The following DSCC1 variants were observed in gnomAD, a reference collection of about 807,000 sequenced individuals.
The protein encoded by DSCC1 is sister chromatid cohesion protein DCC1.
A neutral mutation model predicts 48.2 loss-of-function variants in DSCC1; 32 were observed. The ratio of observed to expected loss-of-function variants is 0.66; its 90% confidence interval spans 0.50 to 0.89. The LOEUF (loss-of-function observed/expected upper bound fraction) is 0.89, where lower values mean the gene tolerates loss of function less well. Among genes scored for constraint, DSCC1 ranks in the 40% least tolerant of loss-of-function variants. DSCC1 has a pLI of 0.00. For synonymous variants in DSCC1, 150 were observed against 171.5 expected (o/e 0.87, Z 0.98); for missense variants, 421 against 471.7 (o/e 0.89, Z 1.00).
chr8:119,836,039 G>A (rs929361626), intron 8 of DSCC1, among the ~76,000 whole-genome samples: 21 of 152,214 alleles, frequency 1.4e-4, no homozygotes, highest in African/African-American at 4.3e-4. Context: ...GTGGCCGGGC[G>A]CGGCGGCTCA....
In DSCC1 at chr8:119,853,080, C is replaced by G; in HGVS notation, c.318G>C (p.Lys106Asn). The G allele has an allele frequency of 6.2e-7, 1 of 1,613,554 alleles. No individual in the cohort carries two copies. Among genetic ancestry groups the G allele is most frequent in the Non-Finnish European group, 8.5e-7 (1 of 1,179,724 alleles). The change falls in exon 2 of 9, where the codon AAG (lysine) becomes AAC (asparagine). Residue 106 changes from lysine (K) to asparagine (N), a missense_variant. Lys to Asn is a moderately conservative substitution (Grantham distance 94, BLOSUM62 0). Transcript: ENST00000313655. ...PGCKTPDQLKKEDSHCNIIHT... is the reference protein window; with the variant it reads ...PGCKTPDQLKNEDSHCNIIHT... ...GAATAATGTTACAGTGTGAATCTTC[C>G]TTCTTCAACTGGTCCGGAGTTTTAC...
intron 3 of DSCC1, among the ~76,000 whole-genome samples, 168 bp downstream of exon 3, chr8:119,850,214 T>C (rs987855079): frequency 3.3e-5 from 5 of 152,084 alleles, no homozygotes; most frequent in Admixed American, 1.3e-4. Context: ...TATATGGGGG[T>C]CATTATACTA....
Position 119,840,961 on chromosome 8 carries a change from G to A in DSCC1, c.924+833C>T, listed in dbSNP as rs536427898. 1.5e-4 allele frequency among the ~76,000 whole-genome samples: 23 copies of A among 151,780 alleles called. No individual in the cohort carries two copies. The East Asian group carries it at 3.1e-3, about 20-fold the overall frequency. On this transcript the variant is annotated intron_variant, in intron 7 of 8. Transcript: ENST00000313655. ...AATGATTTAAGCAGGACATTCATCT[G>A]ATCTGACTAGCATTTATTTATTTAT... is the stretch of plus-strand genomic sequence containing the variant.
At chr8:119,835,231 G>T (rs140925779) in intron 8 of DSCC1, among the ~76,000 whole-genome samples, 3 of 152,324 alleles carry the variant, frequency 2.0e-5, no homozygotes, top group South Asian at 4.1e-4. Flanking sequence ...GAGTAGGCCA[G>T]GCGGGTGGCT....
intron 8 of DSCC1, among the ~76,000 whole-genome samples, chr8:119,837,483 A>C (rs751397596): frequency 2.0e-5 from 3 of 152,228 alleles, no homozygotes; most frequent in Non-Finnish European, 2.9e-5. Context: ...GGTATGAAAA[A>C]GGAAAAGAAG....
chr8:119,845,374 TATGCCTGGCC>T (rs1305046865), intron 4 of DSCC1, among the ~76,000 whole-genome samples: 1 of 151,988 alleles, frequency 6.6e-6, no homozygotes, highest in African/African-American at 2.4e-5. Context: ...CATGAGCCAC[TATGCCTGGCC>T]ATGAAATGCC....
At chr8:119,835,183 A>G (rs778124164) in intron 8 of DSCC1, among the ~76,000 whole-genome samples, 182 bp from the exon 9 acceptor site, 1 of 152,156 alleles carries the variant, frequency 6.6e-6, no homozygotes, top group Non-Finnish European at 1.5e-5. Flanking sequence ...TAAGTACATT[A>G]TATGTATTGT....
At chr8:119,838,228 C>T in intron 8 of DSCC1, 31 bp downstream of exon 8, 1 of 1,510,664 alleles carries the variant, frequency 6.6e-7, no homozygotes, top group Non-Finnish European at 8.8e-7. Context: ...AAAGAACGAC[C>T]CTCAAAATCC....
At chr8:119,840,550 C>T (rs1317958730) in intron 7 of DSCC1, among the ~76,000 whole-genome samples, 1 of 152,116 alleles carries the variant, frequency 6.6e-6, no homozygotes, top group East Asian at 1.9e-4. Context: ...TGAAGGTGAT[C>T]CTGAAGGGCC....
chr8:119,853,027 C>A lies in DSCC1; in HGVS notation c.351+20G>T. 6.5e-7 allele frequency: 1 copy of A among 1,542,080 alleles called. No individual in the cohort carries two copies. ...TTTTCATTCTCAGACTTTTATAAAT[C>A]AGAGTACAGAAAAGAGCACCTCAGT... On this transcript the variant is annotated intron_variant, in intron 2 of 8. Transcript: ENST00000313655.
At chr8:119,848,423 A>C (rs552897132) in intron 3 of DSCC1, among the ~76,000 whole-genome samples, 2 of 152,370 alleles carry the variant, frequency 1.3e-5, no homozygotes, top group South Asian at 4.1e-4. Context: ...CAACTCAGTA[A>C]TAAAAAGATA....
rs139383339 is a variant in DSCC1 at position 119,853,594 on chromosome 8, T to G, written c.183-379A>C. Among the ~76,000 whole-genome samples, 19 of 152,350 alleles carry G rather than the reference T, an allele frequency of 1.2e-4. No homozygotes were observed. In the East Asian group the frequency reaches 3.7e-3, roughly 29 times the overall value. ...CATGCTAAAGTGGTACTTCTCAAAT[T>G]TATGCATAGGCATCTTAGAGAGTGT... is the stretch of plus-strand genomic sequence containing the variant. On this transcript the variant is annotated intron_variant, in intron 1 of 8. Transcript: ENST00000313655.
chr8:119,838,522 A>G, intron 7 of DSCC1, 115 bp from the exon 8 acceptor site: 3 of 1,266,978 alleles, frequency 2.4e-6, no homozygotes, highest in Non-Finnish European at 3.1e-6. Context: ...TGTCAGCTAC[A>G]TGAAACTTAA....
intron 1 of DSCC1, 46 bp from the exon 2 acceptor site, chr8:119,853,261 T>G: frequency 6.4e-7 from 1 of 1,551,720 alleles, no homozygotes; most frequent in Non-Finnish European, 8.7e-7. Flanking sequence ...GACAATCCAG[T>G]AGCCATTTTC....
intron 4 of DSCC1, among the ~76,000 whole-genome samples, chr8:119,845,016 C>T (rs1004968866): frequency 1.2e-4 from 18 of 151,962 alleles, no homozygotes; most frequent in Non-Finnish European, 2.6e-4. Context: ...CATAAAGATC[C>T]CTTTCCTATT....
At chr8:119,847,291 G>A (rs1359982595) in intron 3 of DSCC1, among the ~76,000 whole-genome samples, 2 of 152,024 alleles carry the variant, frequency 1.3e-5, no homozygotes, top group African/African-American at 4.8e-5. Context: ...ACTGGGTTTG[G>A]GTGATGGCTT....
At chr8:119,837,856 G>C (rs1373361723) in intron 8 of DSCC1, among the ~76,000 whole-genome samples, 1 of 152,172 alleles carries the variant, frequency 6.6e-6, no homozygotes, top group South Asian at 2.1e-4. Flanking sequence ...GGGGACTCAA[G>C]ATTTTGTAAG....
chr8:119,853,600 A>G (rs529710829), intron 1 of DSCC1, among the ~76,000 whole-genome samples: 1 of 152,382 alleles, frequency 6.6e-6, no homozygotes, highest in East Asian at 1.9e-4. Flanking sequence ...AAATTTATGC[A>G]TAGGCATCTT....
rs1014056656 is a variant in DSCC1 at position 119,834,221 on chromosome 8, A to T, written c.*672T>A. ...ATCTAAACCAAAACAAATCAGGAAA[A>T]TAAAGCTGTAAAGGAACTTTATCAA... On this transcript the variant is annotated 3_prime_UTR_variant, in exon 9 of 9. Coordinates refer to ENST00000313655, the MANE Select transcript of DSCC1 (RefSeq NM_024094.3). The T allele has an allele frequency of 3.3e-5, 5 of 152,390 alleles. No individual in the cohort carries two copies. Among genetic ancestry groups the T allele is most frequent in the African/African-American group, 1.2e-4 (5 of 41,590 alleles). The allele number at this position is 152,390 out of a possible 1,614,324, so 9.4% of individuals were successfully genotyped here.
Sources: allele counts gnomAD v4.1 joint callset (sites outside exome capture counted in the v4.1 genomes callset), GRCh38; gene constraint gnomAD v4.1.1; transcripts MANE v1.5; gene names NCBI Gene and HGNC (gene_info 2026-07-23, HGNC 2026-07-21).